Variants in UGT2B10 observed in about 807,000 individuals in gnomAD.
UGT2B10 encodes UDP-glucuronosyltransferase 2B10.
In UGT2B10, 51 loss-of-function variants were observed where a neutral mutation model predicts 43.7. The ratio of observed to expected loss-of-function variants is 1.17; its 90% CI spans 0.93 to 1.47. The LOEUF (loss-of-function observed/expected upper bound fraction) is 1.47. Ranked by LOEUF, UGT2B10 falls within the 40% of genes most tolerant of loss-of-function variation. UGT2B10 has a pLI of 0.00. For synonymous variants in UGT2B10, 225 were observed against 209.0 expected, an observed-to-expected ratio of 1.08 and a Z score of -0.66; for missense variants, 696 against 617.7, an observed-to-expected ratio of 1.13 and a Z score of -1.34.
chr4:68,820,450 C>G (rs1737436816), intron 2 of UGT2B10, among the ~76,000 whole-genome samples: 1 of 151,948 alleles, frequency 6.6e-6, no homozygotes, highest in African/African-American at 2.4e-5. Context: ...AAAAATTAAT[C>G]AAGGTGTACC....
chr4:68,826,357 T>C (rs1737773819), intron 3 of UGT2B10, 53 bp from the exon 4 acceptor site: 1 of 1,557,898 alleles, frequency 6.4e-7, no homozygotes, highest in African/African-American at 1.4e-5. Flanking sequence ...TTCTAACATT[T>C]TATAACTTTT....
chr4:68,822,546 A>G, intron 3 of UGT2B10, 144 bp downstream of exon 3: 1 of 1,529,582 alleles, frequency 6.5e-7, no homozygotes, highest in Non-Finnish European at 8.8e-7. Context: ...GCATCCACTG[A>G]CAGAAGTAAT....
At chr4:68,820,411 T>C (rs982669594) in intron 2 of UGT2B10, among the ~76,000 whole-genome samples, 4 of 152,068 alleles carry the variant, frequency 2.6e-5, no homozygotes, top group African/African-American at 7.2e-5. Flanking sequence ...TTGTTATTAG[T>C]TTTATAATAT....
rs182907422 is a variant in UGT2B10, at chr4:68,822,002, A to G, written c.868-269A>G. On this transcript the variant is annotated intron_variant, in intron 2 of 5. Transcript: ENST00000265403. Reference sequence around the variant, plus strand: ...ACATTATCTCCCTGACTACAATGTAATAGCTCCTTTTCTTTTCTCCATTAC... The same window carrying G: ...ACATTATCTCCCTGACTACAATGTAGTAGCTCCTTTTCTTTTCTCCATTAC... Among the ~76,000 whole-genome samples, 3 of 152,272 alleles carry G rather than the reference A, an allele frequency of 2.0e-5. No individual in the cohort carries two copies. In the East Asian group the frequency reaches 5.8e-4, roughly 29 times the overall value.
In UGT2B10 at chr4:68,830,608, A is replaced by G. The variant is rs751955717; in HGVS notation, c.1316A>G (p.Glu439Gly). The G allele has an allele frequency of 4.3e-6, 7 of 1,611,718 alleles. No homozygotes were observed. In the East Asian group the frequency reaches 6.7e-5, roughly 15 times the overall value. Residue 439 changes from glutamate (E) to glycine (G), a missense_variant, in exon 6 of 6, where the codon GAG becomes GGG. Glu to Gly is a moderately conservative substitution (Grantham distance 98). Coordinates refer to ENST00000265403, the MANE Select transcript of UGT2B10 (RefSeq NM_001075.6). ...KTVINDPSYK[E>G]NIMKLSRIQH... ...TTATTTTTATCCTTCAGATATAAAGAGAATATTATGAAATTATCAAGAATT... is the reference window on the plus strand; with the variant it reads ...TTATTTTTATCCTTCAGATATAAAGGGAATATTATGAAATTATCAAGAATT...
chr4:68,825,387 T>C (rs1414645778), intron 3 of UGT2B10, among the ~76,000 whole-genome samples: 1 of 152,002 alleles, frequency 6.6e-6, no homozygotes, highest in Non-Finnish European at 1.5e-5. Context: ...GTTTTTTACA[T>C]AGGGAAACTT....
chr4:68,828,741 C>A (rs1440451745), intron 5 of UGT2B10, among the ~76,000 whole-genome samples: 1 of 151,852 alleles, frequency 6.6e-6, no homozygotes, highest in Non-Finnish European at 1.5e-5. Flanking sequence ...TCGTATATAT[C>A]AACTGGAAGA....
chr4:68,816,041 G>GTTC lies in UGT2B10; in HGVS notation c.24_26dup (p.Leu10dup), dbSNP rs758618061. 1.9e-6 allele frequency: 3 copies of GTTC among 1,612,536 alleles called. No individual in the cohort carries two copies. The highest frequency in any genetic ancestry group is 2.5e-6 in the Non-Finnish European group (3 of 1,179,156). ...AAGGATGGCTCTGAAATGGACTACAGTTCTGCTGATACAACTCAGTTTTTA... is the reference window on the plus strand; with the variant it reads ...AAGGATGGCTCTGAAATGGACTACAGTTCTTCTGCTGATACAACTCAGTTTTTA... On this transcript the variant is annotated inframe_insertion, in exon 1 of 6. Coordinates refer to ENST00000265403, the MANE Select transcript of UGT2B10 (RefSeq NM_001075.6).
intron 3 of UGT2B10, among the ~76,000 whole-genome samples, chr4:68,823,056 T>C (rs1251237015): frequency 6.6e-6 from 1 of 152,128 alleles, no homozygotes; most frequent in Non-Finnish European, 1.5e-5. Context: ...TGGCAACAAA[T>C]AGAGAAGACT....
In UGT2B10 at chr4:68,826,397, T is replaced by G; in HGVS notation, c.1000-13T>G. ...TCCACTCGTGGAATAAGATATTCTCTTTACTGTAACAGGTTCTTTGGAGAT... is the reference window on the plus strand; with the variant it reads ...TCCACTCGTGGAATAAGATATTCTCGTTACTGTAACAGGTTCTTTGGAGAT... On this transcript the variant is annotated splice_polypyrimidine_tract_variant and intron_variant, in intron 3 of 5. Coordinates refer to ENST00000265403, the MANE Select transcript of UGT2B10 (RefSeq NM_001075.6). 2 of 1,606,382 alleles carry G rather than the reference T, an allele frequency of 1.2e-6. No individual in the cohort carries two copies. Among genetic ancestry groups the G allele is most frequent in the South Asian group, 2.2e-5 (2 of 89,822 alleles).
chr4:68,817,598 C>T (rs931414368), intron 1 of UGT2B10, among the ~76,000 whole-genome samples: 3 of 151,674 alleles, frequency 2.0e-5, no homozygotes, highest in Admixed American at 2.0e-4. Context: ...AAAGGATTAG[C>T]TTAATGAGTT....
intron 1 of UGT2B10, among the ~76,000 whole-genome samples, chr4:68,817,194 C>T (rs1023839089): frequency 2.0e-5 from 3 of 151,644 alleles, no homozygotes; most frequent in Admixed American, 6.6e-5. Flanking sequence ...TCCCATGTTA[C>T]CAGGAGGTTG....
In UGT2B10 at chr4:68,829,567, A is replaced by C. The variant is rs1156867963; in HGVS notation, c.1308-1033A>C. ...GAATCAGATAGAAAATAAGCACAGT[A>C]AACAGAGAAAATCCTAGAGGTTCCG... is the stretch of plus-strand genomic sequence containing the variant. On this transcript the variant is annotated intron_variant, in intron 5 of 5. Coordinates refer to ENST00000265403, the MANE Select transcript of UGT2B10 (RefSeq NM_001075.6). 2.0e-5 allele frequency among the ~76,000 whole-genome samples: 3 copies of C among 152,028 alleles called. No homozygotes were observed. The East Asian group carries it at 5.8e-4, about 29-fold the overall frequency.
chr4:68,822,852 A>G (rs1737579753), intron 3 of UGT2B10, among the ~76,000 whole-genome samples: 1 of 152,184 alleles, frequency 6.6e-6, no homozygotes, highest in Non-Finnish European at 1.5e-5. Flanking sequence ...GTAGAAATAC[A>G]AGTAAGATTT....
In UGT2B10 at chr4:68,825,371, G is replaced by A. The variant is rs1737721639; in HGVS notation, c.1000-1039G>A. On this transcript the variant is annotated intron_variant, in intron 3 of 5. Transcript: ENST00000265403. ...TTTTATTTTAAGTTCAGGAGTACAT[G>A]TGCAGGTTTTTTACATAGGGAAACT... Among the ~76,000 whole-genome samples, 2 of 151,616 alleles carry A rather than the reference G, an allele frequency of 1.3e-5. 1 individual carries two copies. Among genetic ancestry groups the A allele is most frequent in the South Asian group, 4.2e-4 (2 of 4,818 alleles).
At chr4:68,823,594 G>T (rs936079133) in intron 3 of UGT2B10, among the ~76,000 whole-genome samples, 3 of 152,116 alleles carry the variant, frequency 2.0e-5, no homozygotes, top group Admixed American at 2.0e-4. Context: ...GTGCCTGGAA[G>T]ATGTCACTAA....
At chr4:68,817,603 T>G (rs1455148021) in intron 1 of UGT2B10, among the ~76,000 whole-genome samples, 1 of 151,814 alleles carries the variant, frequency 6.6e-6, no homozygotes, top group African/African-American at 2.4e-5. Context: ...ATTAGCTTAA[T>G]GAGTTGTGTA....
At chr4:68,822,441 A>G (rs112013517) in intron 3 of UGT2B10, 39 bp downstream of exon 3, 4 of 1,609,532 alleles carry the variant, frequency 2.5e-6, no homozygotes, top group African/African-American at 1.3e-5. Context: ...AAACTACTGA[A>G]AGAGGCTGTT....
At chr4:68,819,504 A>G (rs1050541689) in intron 2 of UGT2B10, among the ~76,000 whole-genome samples, 2 of 151,470 alleles carry the variant, frequency 1.3e-5, no homozygotes, top group African/African-American at 4.9e-5. Context: ...ATATGTGCAG[A>G]CAAACACAGG....
Sources: allele counts gnomAD v4.1 joint callset (sites outside exome capture counted in the v4.1 genomes callset), GRCh38; gene constraint gnomAD v4.1.1; transcripts MANE v1.5; gene names NCBI Gene and HGNC (gene_info 2026-07-23, HGNC 2026-07-21).